ZSCAN25: variants seen among roughly 807,000 people sequenced by gnomAD.
ZSCAN25 encodes zinc finger and SCAN domain containing 25, also known as zinc finger and SCAN domain-containing protein 25.
Under a neutral mutation model 38.7 loss-of-function variants are expected in ZSCAN25, and 27 were observed. The ratio of observed to expected loss-of-function variants is 0.70; its 90% CI spans 0.51 to 0.96. The LOEUF (loss-of-function observed/expected upper bound fraction) is 0.96. Ranked by LOEUF, ZSCAN25 falls within the 40% of genes least tolerant of loss-of-function variation. The probability of loss-of-function intolerance (pLI) is 0.00; values close to 1 mark genes in which losing one functional copy is unlikely to be tolerated. For synonymous variants in ZSCAN25, 273 were observed against 277.7 expected, an observed-to-expected ratio of 0.98 and a Z score of 0.17; for missense variants, 637 against 705.9, an observed-to-expected ratio of 0.90 and a Z score of 1.11.
At chr7:99,655,459 C>T in the ZSCAN25 span, among the ~76,000 whole-genome samples, 2 of 152,298 alleles carry the variant, frequency 1.3e-5, no homozygotes, top group African/African-American at 4.8e-5. Flanking sequence ...GGTACCAGTA[C>T]CATGCTGTTT....
chr7:99,668,971 A>G, the ZSCAN25 span, among the ~76,000 whole-genome samples: 3 of 152,264 alleles, frequency 2.0e-5, no homozygotes, highest in African/African-American at 7.2e-5. Flanking sequence ...AATATTATTT[A>G]GAAGACATGT....
the ZSCAN25 span, among the ~76,000 whole-genome samples, chr7:99,736,691 G>C: frequency 1.3e-5 from 2 of 152,130 alleles, no homozygotes; most frequent in African/African-American, 4.8e-5. Context: ...TTCTTTCTCA[G>C]GTTCAGCACT....
At chr7:99,627,101 G>A (rs986459210) in intron 7 of ZSCAN25, among the ~76,000 whole-genome samples, 2 of 152,192 alleles carry the variant, frequency 1.3e-5, no homozygotes, top group African/African-American at 2.4e-5. Context: ...TTCACCAATT[G>A]TTAACATTTG....
rs764878801 is a variant in ZSCAN25 at position 99,624,129 on chromosome 7, A to G, written c.754A>G (p.Ile252Val). The stretch of plus-strand genomic sequence containing the variant: ...GTGGAGGCATGTGACCCCAGCCCAG[A>G]TAGACTGCTTTGGGGAGTATGTGGA... Reference protein sequence around the residue: ...EEWRHVTPAQIDCFGEYVEPQ... With the variant: ...EEWRHVTPAQVDCFGEYVEPQ... The change falls in exon 7 of 8, where the codon ATA (isoleucine) becomes GTA (valine). Residue 252 changes from isoleucine (I) to valine (V), a missense_variant. Ile to Val is a conservative substitution (Grantham distance 29, BLOSUM62 3). Transcript: ENST00000394152. 3.7e-6 allele frequency: 6 copies of G among 1,613,962 alleles called. No individual in the cohort carries two copies. In the African/African-American group the frequency reaches 8.0e-5, roughly 22 times the overall value.
At chr7:99,699,970 A>C in the ZSCAN25 span, 2 of 1,606,776 alleles carry the variant, frequency 1.2e-6, no homozygotes, top group African/African-American at 2.7e-5. Context: ...TGACAGATAG[A>C]GGAGCACAAG....
At chr7:99,683,787 C>T in the ZSCAN25 span, among the ~76,000 whole-genome samples, 1 of 152,138 alleles carries the variant, frequency 6.6e-6, no homozygotes, top group Non-Finnish European at 1.5e-5. Flanking sequence ...TTGATCCTCA[C>T]CCTACTAGGT....
chr7:99,680,548 G>A, the ZSCAN25 span, among the ~76,000 whole-genome samples: 1 of 152,086 alleles, frequency 6.6e-6, no homozygotes, highest in African/African-American at 2.4e-5. Flanking sequence ...AGCTCCTCAA[G>A]GGCACAGTCT....
chr7:99,661,067 A>G, the ZSCAN25 span, among the ~76,000 whole-genome samples: 2 of 152,232 alleles, frequency 1.3e-5, no homozygotes, highest in African/African-American at 4.8e-5. Context: ...ATAGAGCTTG[A>G]CAGACTTTGA....
At chr7:99,713,132 G>C in the ZSCAN25 span, among the ~76,000 whole-genome samples, 1 of 152,158 alleles carries the variant, frequency 6.6e-6, no homozygotes, top group Non-Finnish European at 1.5e-5. Context: ...AATTATTTTT[G>C]CAGAAACCTA....
chr7:99,696,646 A>T, the ZSCAN25 span, among the ~76,000 whole-genome samples: 4 of 152,166 alleles, frequency 2.6e-5, no homozygotes, highest in African/African-American at 4.8e-5. Flanking sequence ...AATTTCCAGG[A>T]CATTCCTCCT....
the ZSCAN25 span, chr7:99,671,841 TG>T: frequency 4.3e-6 from 3 of 702,844 alleles, no homozygotes; most frequent in African/African-American, 5.2e-5. Flanking sequence ...GGTGACGGAA[TG>T]GGTCTGCATC....
At chr7:99,674,426 G>A in the ZSCAN25 span, 23 of 781,626 alleles carry the variant, frequency 2.9e-5, no homozygotes, top group South Asian at 3.7e-4. Context: ...TTGTATTTAG[G>A]TTGACAAGAG....
At chr7:99,693,583 G>A in the ZSCAN25 span, among the ~76,000 whole-genome samples, 1 of 152,184 alleles carries the variant, frequency 6.6e-6, no homozygotes, top group Non-Finnish European at 1.5e-5. Context: ...AGGCCTCTTT[G>A]TTTACACAGT....
At chr7:99,621,206 T>C (rs1240538667) in intron 4 of ZSCAN25, 167 bp from the exon 5 acceptor site, 1 of 513,270 alleles carries the variant, frequency 1.9e-6, no homozygotes, top group Non-Finnish European at 3.1e-6. Flanking sequence ...AGCTTCCTTT[T>C]CACTTCCTCA....
At chr7:99,635,579 C>T (rs1396351948), downstream of ZSCAN25, among the ~76,000 whole-genome samples, 1 of 152,098 alleles carries the variant, frequency 6.6e-6, no homozygotes, top group African/African-American at 2.4e-5. Flanking sequence ...CTTCCCCCTC[C>T]CCCATTTCCA....
At chr7:99,699,300 T>G in the ZSCAN25 span, among the ~76,000 whole-genome samples, 4 of 152,170 alleles carry the variant, frequency 2.6e-5, no homozygotes, top group Non-Finnish European at 5.9e-5. Context: ...GATTAATCAT[T>G]GCAAGGTAAA....
At chr7:99,732,656 A>G in the ZSCAN25 span, among the ~76,000 whole-genome samples, 2 of 152,166 alleles carry the variant, frequency 1.3e-5, no homozygotes, top group East Asian at 3.9e-4. Context: ...GACTGGATGA[A>G]GCAGAAAAGT....
chr7:99,646,380 T>A, the ZSCAN25 span, among the ~76,000 whole-genome samples: 1 of 152,220 alleles, frequency 6.6e-6, no homozygotes, highest in Admixed American at 6.5e-5. Flanking sequence ...TGGCTATTGA[T>A]TTTATTTCAG....
intron 5 of ZSCAN25, 50 bp downstream of exon 5, chr7:99,621,624 G>C (rs1159807875): frequency 4.7e-6 from 6 of 1,278,120 alleles, no homozygotes; most frequent in Non-Finnish European, 6.0e-6. Context: ...AAACAGTGCT[G>C]TGCAGCCAAC....
Sources: gnomAD v4.1 joint callset for allele counts (sites outside exome capture counted in the v4.1 genomes callset) on GRCh38, gnomAD v4.1.1 for gene constraint, MANE v1.5 for transcripts, NCBI Gene and HGNC (gene_info 2026-07-23, HGNC 2026-07-21) for gene names.